METTL25: variants seen among roughly 807,000 people sequenced by gnomAD.
METTL25 encodes probable methyltransferase-like protein 25.
In METTL25, 64 loss-of-function variants were observed where a neutral mutation model predicts 71.6. That is an observed-to-expected ratio of 0.89 (90% CI 0.73 to 1.10). The LOEUF is 1.10. Ranked by LOEUF, METTL25 falls within the 50% of genes least tolerant of loss-of-function variation. The probability of loss-of-function intolerance (pLI) is 0.00; values close to 1 mark genes in which losing one functional copy is unlikely to be tolerated. For missense variants in METTL25, 807 were observed against 707.0 expected, an observed-to-expected ratio of 1.14 and a Z score of -1.60; for synonymous variants, 287 against 250.3, an observed-to-expected ratio of 1.15 and a Z score of -1.38.
intron 9 of METTL25, among the ~76,000 whole-genome samples, chr12:82,469,380 G>A (rs897041596): frequency 6.6e-6 from 1 of 151,990 alleles, no homozygotes; most frequent in African/African-American, 2.4e-5. Flanking sequence ...GAGTCTTCAG[G>A]AAAATTAAGA....
At chr12:82,434,587 C>T in intron 6 of METTL25, 108 bp from the exon 7 acceptor site, 1 of 851,580 alleles carries the variant, frequency 1.2e-6, no homozygotes, top group Non-Finnish European at 2.0e-6. Flanking sequence ...CATATTATCA[C>T]ATAATTAATC....
intron 9 of METTL25, among the ~76,000 whole-genome samples, chr12:82,471,465 C>T (rs1359625139): frequency 6.6e-6 from 1 of 152,158 alleles, no homozygotes; most frequent in Non-Finnish European, 1.5e-5. Context: ...CAGCATTGCC[C>T]AAATTTGTTT....
intron 9 of METTL25, 43 bp from the exon 10 acceptor site, chr12:82,476,601 T>G: frequency 7.8e-7 from 1 of 1,287,658 alleles, no homozygotes; most frequent in Non-Finnish European, 1.1e-6. Flanking sequence ...GGAAAAATAT[T>G]TTTAAACTAT....
At chr12:82,438,453 C>T (rs181181552) in intron 7 of METTL25, 2 of 265,948 alleles carry the variant, frequency 7.5e-6, no homozygotes, top group Admixed American at 1.1e-4. Context: ...TGGGCATTAG[C>T]TTATTGTTCA....
chr12:82,434,922 T>C (rs1015234215), intron 7 of METTL25, among the ~76,000 whole-genome samples, 198 bp downstream of exon 7: 2 of 151,630 alleles, frequency 1.3e-5, no homozygotes, highest in South Asian at 4.1e-4. Context: ...TTTAGGAAAA[T>C]GTCTGCATTA....
chr12:82,359,566 G>A (rs910378922), intron 1 of METTL25, among the ~76,000 whole-genome samples: 16 of 152,234 alleles, frequency 1.1e-4, no homozygotes, highest in African/African-American at 3.9e-4. Flanking sequence ...GAAGCTGAGA[G>A]GCCAGTTAGG....
chr12:82,429,525 A>G (rs1424513232), intron 5 of METTL25, among the ~76,000 whole-genome samples: 1 of 151,720 alleles, frequency 6.6e-6, no homozygotes, highest in African/African-American at 2.4e-5. Flanking sequence ...GGTTGTAGAT[A>G]TCCTTTTGAG....
intron 5 of METTL25, among the ~76,000 whole-genome samples, chr12:82,407,322 C>T (rs1887180683): frequency 6.6e-6 from 1 of 152,124 alleles, no homozygotes; most frequent in African/African-American, 2.4e-5. Flanking sequence ...GTCTTCTCTT[C>T]TGAAGTTGCT....
chr12:82,387,429 A>G (rs998582376), intron 2 of METTL25, among the ~76,000 whole-genome samples: 11 of 152,062 alleles, frequency 7.2e-5, no homozygotes, highest in African/African-American at 2.7e-4. Context: ...AAACTCAGCC[A>G]TATCTATAAT....
intron 9 of METTL25, among the ~76,000 whole-genome samples, chr12:82,461,715 A>AC (rs901839863): frequency 8.6e-5 from 13 of 151,832 alleles, no homozygotes; most frequent in South Asian, 6.3e-4. Flanking sequence ...AAAGGCAAAA[A>AC]AAAATCAAGG....
At chr12:82,443,521 G>T (rs1890516922) in intron 8 of METTL25, among the ~76,000 whole-genome samples, 1 of 147,006 alleles carries the variant, frequency 6.8e-6, no homozygotes, top group Non-Finnish European at 1.5e-5. Flanking sequence ...AACCTCAAAA[G>T]AGTAAATTTA....
At chr12:82,388,916 C>G (rs139860826) in intron 2 of METTL25, 1 of 152,000 alleles carries the variant, frequency 6.6e-6, no homozygotes, top group Admixed American at 6.6e-5. Flanking sequence ...TCTACAGGAC[C>G]ATGAGTAACC....
chr12:82,460,985 T>C (rs2062448127), intron 9 of METTL25, among the ~76,000 whole-genome samples: 1 of 151,934 alleles, frequency 6.6e-6, no homozygotes, highest in South Asian at 2.1e-4. Context: ...CTACTAAAAC[T>C]ACAAAAAATT....
intron 5 of METTL25, among the ~76,000 whole-genome samples, chr12:82,424,374 C>T (rs920844769): frequency 8.3e-5 from 12 of 145,304 alleles, no homozygotes; most frequent in Non-Finnish European, 1.8e-4. Flanking sequence ...CATCACACCC[C>T]GGGGCCTGTT....
intron 4 of METTL25, 53 bp from the exon 5 acceptor site, chr12:82,402,920 TAAAAATTTTA>T: frequency 2.4e-6 from 3 of 1,269,530 alleles, no homozygotes; most frequent in Non-Finnish European, 3.3e-6. Flanking sequence ...TAAAAATAAA[TAAAAATTTTA>T]AACAACCCTC....
chr12:82,363,243 C>T (rs1173131409), intron 1 of METTL25, among the ~76,000 whole-genome samples: 1 of 152,172 alleles, frequency 6.6e-6, no homozygotes, highest in Non-Finnish European at 1.5e-5. Flanking sequence ...TTTTGAGAGG[C>T]AGAGCTTCCC....
At chr12:82,405,655 G>T (rs1201164434) in intron 5 of METTL25, among the ~76,000 whole-genome samples, 1 of 152,146 alleles carries the variant, frequency 6.6e-6, no homozygotes, top group Admixed American at 6.5e-5. Context: ...TAACTAAAAT[G>T]AATTTGAATA....
intron 3 of METTL25, among the ~76,000 whole-genome samples, chr12:82,393,895 T>A (rs1885837772): frequency 6.6e-6 from 1 of 152,042 alleles, no homozygotes; most frequent in Non-Finnish European, 1.5e-5. Flanking sequence ...TGTCAACTTC[T>A]TAGTACTACT....
chr12:82,451,885 A>AG (rs1369023492), intron 8 of METTL25, among the ~76,000 whole-genome samples: 1 of 152,138 alleles, frequency 6.6e-6, no homozygotes, highest in Non-Finnish European at 1.5e-5. Flanking sequence ...TTTTAACTAC[A>AG]GTAAACAGTT....
Sources: allele counts gnomAD v4.1 joint callset (sites outside exome capture counted in the v4.1 genomes callset), GRCh38; gene constraint gnomAD v4.1.1; transcripts MANE v1.5; gene names NCBI Gene and HGNC (gene_info 2026-07-23, HGNC 2026-07-21).